Variants in ZNF568 observed in about 807,000 individuals in gnomAD.
The protein encoded by ZNF568 is zinc finger protein 568.
ZNF568 carries 11 observed loss-of-function variants against 18.1 expected under a neutral mutation model. The observed-to-expected ratio is 0.61, with a 90% confidence interval of 0.38 to 1.00. ZNF568 has a LOEUF of 1.00. Ranked by LOEUF, ZNF568 falls within the 50% of genes least tolerant of loss-of-function variation. ZNF568 has a pLI of 0.01. For missense variants in ZNF568, 639 were observed against 768.2 expected, an observed-to-expected ratio of 0.83 and a Z score of 1.99; for synonymous variants, 213 against 246.6, an observed-to-expected ratio of 0.86 and a Z score of 1.28.
intron 2 of ZNF568, among the ~76,000 whole-genome samples, chr19:36,918,925 G>A (rs933916404): frequency 1.3e-5 from 2 of 152,084 alleles, no homozygotes; most frequent in Non-Finnish European, 2.9e-5. Context: ...TTAGCATAAC[G>A]TCCTCAAGAT....
rs1200987006 is a variant in ZNF568 at position 36,916,879 on chromosome 19, G to A, written c.-256+288G>A. 6.6e-6 allele frequency among the ~76,000 whole-genome samples: 1 copy of A among 152,040 alleles called. No homozygotes were observed. Among genetic ancestry groups the A allele is most frequent in the Non-Finnish European group, 1.5e-5 (1 of 67,984 alleles). On this transcript the variant is annotated intron_variant, in intron 1 of 6. Transcript: ENST00000333987. The surrounding 1 kb of genome is among the most constrained non-coding windows in gnomAD (Gnocchi z 5.3). ...GTAACGGCTTGAAAAACACTTATTT[G>A]TTTTCTACTGATCCTCCCTCCTTGT...
chr19:36,975,172 C>T (rs1396829667), intron 7 of ZNF568, among the ~76,000 whole-genome samples: 3 of 130,714 alleles, frequency 2.3e-5, no homozygotes, highest in African/African-American at 9.4e-5. Context: ...TTTTTGAGAC[C>T]GAGTTTCCTC....
chr19:36,996,488 C>T lies in ZNF568; in HGVS notation c.401C>T (p.Ser134Phe), dbSNP rs748260425. ...AGACCAGCTGTAATACCATTTACTT[C>T]CATGCAGTGCACAGCCCATAGAGAA... Residue 134 changes from serine (S) to phenylalanine (F), a missense_variant, in exon 5 of 5, where the codon TCC (serine) becomes TTC (phenylalanine). Ser to Phe is a radical substitution (Grantham distance 155, BLOSUM62 -2). Coordinates refer to the ZNF568 transcript ENST00000433993. The T allele has an allele frequency of 3.6e-5, 55 of 1,536,256 alleles. No individual in the cohort carries two copies. Among genetic ancestry groups the T allele is most frequent in the Admixed American group, 9.8e-5 (5 of 50,974 alleles).
chr19:36,965,912 G>C (rs1033106317), intron 6 of ZNF568, among the ~76,000 whole-genome samples: 1 of 151,370 alleles, frequency 6.6e-6, no homozygotes, highest in Non-Finnish European at 1.5e-5. Context: ...GTTGGCCAGG[G>C]TGGTCTCAAA....
At chr19:36,955,378 AGAT>A (rs1383182405), downstream of ZNF568, among the ~76,000 whole-genome samples, 1 of 62,864 alleles carries the variant, frequency 1.6e-5, no homozygotes, top group African/African-American at 7.1e-5. Flanking sequence ...GGACAACCTT[AGAT>A]TTCTCTTTTG....
intron 6 of ZNF568, among the ~76,000 whole-genome samples, chr19:36,963,903 G>A (rs1184931806): frequency 1.3e-5 from 2 of 149,798 alleles, no homozygotes; most frequent in African/African-American, 4.9e-5. Flanking sequence ...GGAGGTGGAG[G>A]TTGCAGTGAG....
intron 3 of ZNF568, chr19:36,991,429 T>C (rs1379140446): frequency 8.1e-7 from 1 of 1,238,562 alleles, no homozygotes; most frequent in Admixed American, 3.2e-5. Flanking sequence ...TTAATGTTTC[T>C]TGCTCACCAA....
chr19:36,956,203 A>T (rs1175699626), downstream of ZNF568, among the ~76,000 whole-genome samples: 1 of 152,150 alleles, frequency 6.6e-6, no homozygotes, highest in Non-Finnish European at 1.5e-5. Flanking sequence ...CACCTTCAGG[A>T]CTGAGGCACT....
chr19:36,997,328 G>C (rs557972027), downstream of ZNF568: 2 of 1,600,716 alleles, frequency 1.2e-6, no homozygotes, highest in Admixed American at 3.4e-5. Context: ...TCCTTTCGTC[G>C]TGGCTCAGAA....
intron 4 of ZNF568, among the ~76,000 whole-genome samples, chr19:36,933,574 G>C (rs941296384): frequency 3.9e-5 from 6 of 151,982 alleles, no homozygotes; most frequent in Admixed American, 6.6e-5. Flanking sequence ...GCATTCTGCT[G>C]GGGTAAATCC....
At chr19:36,941,188 T>C (rs955736141) in intron 6 of ZNF568, among the ~76,000 whole-genome samples, 4 of 152,184 alleles carry the variant, frequency 2.6e-5, no homozygotes, top group African/African-American at 9.7e-5. Context: ...ACACATCTAG[T>C]TATCTGAATT....
At chr19:36,946,890 C>T (rs1324946273) in intron 6 of ZNF568, among the ~76,000 whole-genome samples, 1 of 152,064 alleles carries the variant, frequency 6.6e-6, no homozygotes, top group Non-Finnish European at 1.5e-5. Flanking sequence ...TGGTGATCCG[C>T]CTACCTTGGC....
At chr19:36,943,501 A>G (rs1021369892) in intron 6 of ZNF568, among the ~76,000 whole-genome samples, 5 of 152,282 alleles carry the variant, frequency 3.3e-5, no homozygotes, top group African/African-American at 1.2e-4. Context: ...AAATTTGTCA[A>G]GTTAAATCAT....
chr19:36,945,998 G>A (rs568074686), intron 6 of ZNF568, among the ~76,000 whole-genome samples: 4 of 152,136 alleles, frequency 2.6e-5, no homozygotes, highest in African/African-American at 9.6e-5. Flanking sequence ...GGGAGGCTGA[G>A]GCAGGGGAAT....
intron 6 of ZNF568, among the ~76,000 whole-genome samples, chr19:36,958,006 G>A (rs2074120580): frequency 6.6e-6 from 1 of 152,106 alleles, no homozygotes; most frequent in African/African-American, 2.4e-5. Flanking sequence ...TTTGTCAAGT[G>A]ATTTTTCTGC....
At chr19:36,997,447 A>G, downstream of ZNF568, 1 of 1,589,646 alleles carries the variant, frequency 6.3e-7, no homozygotes, top group Non-Finnish European at 8.5e-7. Flanking sequence ...AAAAGTTCAC[A>G]CTGGGGAGAG....
intron 3 of ZNF568, among the ~76,000 whole-genome samples, chr19:36,924,311 C>T (rs779535841): frequency 5.3e-5 from 8 of 151,362 alleles, no homozygotes; most frequent in Non-Finnish European, 1.2e-4. Flanking sequence ...CTGCACTTTC[C>T]GGGTTCAAGC....
chr19:36,989,880 G>A (rs1435557257), intron 2 of ZNF568, among the ~76,000 whole-genome samples: 1 of 152,148 alleles, frequency 6.6e-6, no homozygotes, highest in Non-Finnish European at 1.5e-5. Context: ...TCCACCGAGA[G>A]TACTGATGGA....
chr19:36,984,441 T>G (rs1038798035), downstream of ZNF568, among the ~76,000 whole-genome samples: 2 of 152,204 alleles, frequency 1.3e-5, no homozygotes, highest in African/African-American at 4.8e-5. Flanking sequence ...TATTATTATA[T>G]TCTTGGTAAA....
Sources: gnomAD v4.1 joint callset for allele counts (sites outside exome capture counted in the v4.1 genomes callset) on GRCh38, gnomAD v4.1.1 for gene constraint, Gnocchi (gnomAD v3.1) non-coding constraint, MANE v1.5 for transcripts, NCBI Gene and HGNC (gene_info 2026-07-23, HGNC 2026-07-21) for gene names.